The following DENND1A variants were observed in gnomAD, a reference collection of about 807,000 sequenced individuals.
The protein encoded by DENND1A is DENN domain-containing protein 1A.
A neutral mutation model predicts 113.7 loss-of-function variants in DENND1A; 51 were observed. The observed-to-expected ratio is 0.45, with a 90% CI of 0.36 to 0.57. The LOEUF (loss-of-function observed/expected upper bound fraction) is 0.57. Ranked by LOEUF, DENND1A falls within the 20% of genes least tolerant of loss-of-function variation. The probability of loss-of-function intolerance (pLI) is 0.00; values close to 1 mark genes in which losing one functional copy is unlikely to be tolerated. For missense variants in DENND1A, 1,258 were observed against 1,395.9 expected (o/e 0.90, Z 1.57); for synonymous variants, 565 against 570.8 (o/e 0.99, Z 0.14).
intron 13 of DENND1A, among the ~76,000 whole-genome samples, chr9:123,528,654 A>T (rs1337122546): frequency 2.0e-5 from 3 of 152,140 alleles, no homozygotes; most frequent in Admixed American, 2.0e-4. Context: ...CCATGCTGTC[A>T]TCTTCCAACC....
rs138633380 is a variant in DENND1A, at chr9:123,553,243, C to A, written c.993+4327G>T. Among the ~76,000 whole-genome samples the A allele has an allele frequency of 6.7e-3, 1,018 of 152,144 alleles. 4 individuals are homozygous for A. Among genetic ancestry groups the A allele is most frequent in the Middle Eastern group, 0.031 (9 of 294 alleles). ...CTCCAGCCTAGGCAATAGAGCGAGA[C>A]CCCGTCTCAAAATAATAATAATAAT... On this transcript the variant is annotated intron_variant, in intron 13 of 23. Transcript: ENST00000394215.
chr9:123,762,186 T>C (rs1362531471), intron 4 of DENND1A, among the ~76,000 whole-genome samples: 1 of 152,142 alleles, frequency 6.6e-6, no homozygotes, highest in Non-Finnish European at 1.5e-5. Flanking sequence ...ATGCGAGGAA[T>C]TCAGATAGTT....
intron 5 of DENND1A, among the ~76,000 whole-genome samples, chr9:123,703,983 T>C (rs904616675): frequency 3.3e-5 from 5 of 152,040 alleles, no homozygotes; most frequent in Non-Finnish European, 5.9e-5. Flanking sequence ...TATTTATATA[T>C]GTTTTCATTT....
chr9:123,919,662 A>C (rs559403436), intron 1 of DENND1A, among the ~76,000 whole-genome samples: 1 of 150,328 alleles, frequency 6.7e-6, no homozygotes, highest in Non-Finnish European at 1.5e-5. Context: ...CAGGCAGATC[A>C]CTTGAGGTCA....
At chr9:123,414,571 T>C (rs1282190951) in intron 19 of DENND1A, 22 of 1,550,374 alleles carry the variant, frequency 1.4e-5, no homozygotes, top group Non-Finnish European at 1.9e-5. Context: ...TCTTGCTCCT[T>C]TTGGGGATTC....
chr9:123,452,863 G>GT (rs977887219), intron 16 of DENND1A, among the ~76,000 whole-genome samples: 2 of 152,062 alleles, frequency 1.3e-5, no homozygotes, highest in Non-Finnish European at 2.9e-5. Context: ...TTTCTGTGGT[G>GT]TTTTTTTAAA....
chr9:123,543,950 C>G (rs2056470724), intron 13 of DENND1A, among the ~76,000 whole-genome samples: 1 of 152,140 alleles, frequency 6.6e-6, no homozygotes, highest in Admixed American at 6.5e-5. Context: ...CGGTGGGGAC[C>G]ACTATTGTAA....
intron 13 of DENND1A, among the ~76,000 whole-genome samples, chr9:123,512,257 G>C (rs1182372945): frequency 6.6e-6 from 1 of 152,200 alleles, no homozygotes; most frequent in African/African-American, 2.4e-5. Flanking sequence ...GATATGAAGA[G>C]GCCGGGGAAT....
chr9:123,458,392 T>G (rs2048295675), intron 13 of DENND1A, among the ~76,000 whole-genome samples: 1 of 152,196 alleles, frequency 6.6e-6, no homozygotes, highest in South Asian at 2.1e-4. Flanking sequence ...ATCTAACTAT[T>G]TCTAACTAGC....
rs539545560 is a variant in DENND1A, at chr9:123,617,410, A to C, written c.720-7929T>G. On this transcript the variant is annotated intron_variant, in intron 10 of 23. Transcript: ENST00000394215. ...TAATGCAAGACACGTGTATCACTGG[A>C]GCTGATCAGTGACTGGGAAAGGGAG... Among the ~76,000 whole-genome samples the C allele has an allele frequency of 3.5e-4, 54 of 152,224 alleles. 1 individual carries two copies. The highest frequency in any genetic ancestry group is 1.2e-3 in the African/African-American group (49 of 41,532).
At chr9:123,572,709 A>C (rs1157505846) in intron 12 of DENND1A, among the ~76,000 whole-genome samples, 1 of 152,156 alleles carries the variant, frequency 6.6e-6, no homozygotes, top group Non-Finnish European at 1.5e-5. Flanking sequence ...TTTTAGGTAT[A>C]AGTGTTAAGA....
At chr9:123,768,436 C>G (rs1214777643) in intron 4 of DENND1A, among the ~76,000 whole-genome samples, 3 of 152,186 alleles carry the variant, frequency 2.0e-5, no homozygotes, top group Non-Finnish European at 4.4e-5. Context: ...CACATATACT[C>G]TAAATCACTG....
intron 13 of DENND1A, among the ~76,000 whole-genome samples, chr9:123,544,543 T>C (rs894162516): frequency 1.3e-5 from 2 of 152,198 alleles, no homozygotes; most frequent in South Asian, 4.1e-4. Context: ...GAAAAGAGCA[T>C]GGTCACCAGA....
At chr9:123,873,478 TC>T (rs986276669) in intron 2 of DENND1A, among the ~76,000 whole-genome samples, 39 of 152,188 alleles carry the variant, frequency 2.6e-4, no homozygotes, top group Admixed American at 6.5e-4. Flanking sequence ...AAAAGAACTG[TC>T]CTCAAAGTTT....
intron 1 of DENND1A, among the ~76,000 whole-genome samples, chr9:123,919,077 A>G (rs1855748185): frequency 6.6e-6 from 1 of 152,196 alleles, no homozygotes; most frequent in African/African-American, 2.4e-5. Flanking sequence ...AATATCAACC[A>G]ATTGCAATGT....
rs568350625 is a variant in DENND1A at position 123,541,875 on chromosome 9, A to T, written c.993+15695T>A. ...CAAATGAAAAACCTGCGGTTCAGGG[A>T]GGAGGGAGGGCTTCCCAAAGTTTCA... On this transcript the variant is annotated intron_variant, in intron 13 of 23. Coordinates refer to ENST00000394215, the MANE Select transcript of DENND1A (RefSeq NM_001352964.2). Among the ~76,000 whole-genome samples, 65 of 152,290 alleles carry T rather than the reference A, an allele frequency of 4.3e-4. No homozygotes were observed. In the South Asian group the frequency reaches 0.013, roughly 31 times the overall value.
chr9:123,636,555 G>A (rs2061712042), intron 9 of DENND1A, among the ~76,000 whole-genome samples: 1 of 152,090 alleles, frequency 6.6e-6, no homozygotes, highest in African/African-American at 2.4e-5. Context: ...GAGCTCAGGT[G>A]ATCCGCCCTC....
chr9:123,535,288 C>G (rs756239958), intron 13 of DENND1A, among the ~76,000 whole-genome samples: 2 of 152,116 alleles, frequency 1.3e-5, no homozygotes, highest in Non-Finnish European at 2.9e-5. Flanking sequence ...GATTAAAATC[C>G]AGACTCTCAC....
chr9:123,509,015 G>A (rs573748577), intron 13 of DENND1A, among the ~76,000 whole-genome samples: 39 of 152,236 alleles, frequency 2.6e-4, no homozygotes, highest in Admixed American at 5.9e-4. Context: ...AGAAGGCACC[G>A]TGAAGGAATG....
Sources: gnomAD v4.1 joint callset for allele counts (sites outside exome capture counted in the v4.1 genomes callset) on GRCh38, gnomAD v4.1.1 for gene constraint, MANE v1.5 for transcripts, NCBI Gene and HGNC (gene_info 2026-07-23, HGNC 2026-07-21) for gene names.